The following TBC1D16 variants were observed in gnomAD, a reference collection of about 807,000 sequenced individuals.
TBC1D16 encodes TBC1 domain family member 16.
In TBC1D16, 58 loss-of-function variants were observed where a neutral mutation model predicts 74.7. That is an observed-to-expected ratio of 0.78 (90% confidence interval 0.63 to 0.97). TBC1D16 has a LOEUF of 0.97. Ranked by LOEUF, TBC1D16 falls within the 50% of genes least tolerant of loss-of-function variation. The pLI, the probability that TBC1D16 is intolerant of heterozygous loss-of-function variation, is 0.00. For synonymous variants in TBC1D16, 493 were observed against 474.7 expected (o/e 1.04, Z -0.50); for missense variants, 1,014 against 1,079.5 (o/e 0.94, Z 0.85).
intron 10 of TBC1D16, chr17:79,943,895 T>A: frequency 7.1e-7 from 1 of 1,408,346 alleles, no homozygotes; most frequent in Non-Finnish European, 9.2e-7. Context: ...TTTTTTTAAT[T>A]CGGGAGTGGT....
rs2036985229 is a variant in TBC1D16, at chr17:80,035,792, C to CA, written c.-63+2dup. ...GCGGCCCCGTCCGGGCCCCGATACC[C>CA]ACCCGGGTCCCGCTGCGGGGGCCGG... On this transcript the variant is annotated splice_region_variant and intron_variant, in intron 1 of 11. Coordinates refer to ENST00000310924, the MANE Select transcript of TBC1D16 (RefSeq NM_019020.4). This position sits in a 1 kb window ranked among gnomAD's most constrained non-coding sequence, Gnocchi z 5.3. The CA allele has an allele frequency of 6.8e-6, 1 of 146,836 alleles. No individual in the cohort carries two copies. The highest frequency in any genetic ancestry group is 6.8e-5 in the Admixed American group (1 of 14,804). 9.1% of individuals were successfully genotyped at this position (146,836 alleles called of 1,614,324 possible). A position where few individuals can be genotyped will look rare whatever the true frequency, so the allele number is the denominator to read the frequency against.
At chr17:79,991,154 A>G (rs995231982) in intron 3 of TBC1D16, among the ~76,000 whole-genome samples, 7 of 152,240 alleles carry the variant, frequency 4.6e-5, no homozygotes, top group African/African-American at 1.2e-4. Context: ...TTCACAAAGT[A>G]AATTCCAGAC....
rs747871611 is a variant in TBC1D16, at chr17:80,008,842, T to G, written c.779+1318A>C. Reference sequence around the variant, plus strand: ...AGGGATAAAATCAGGGAAGAACCCGTCCCACAGTCACCCCTGCTGAGGCCA... The same window carrying G: ...AGGGATAAAATCAGGGAAGAACCCGGCCCACAGTCACCCCTGCTGAGGCCA... On this transcript the variant is annotated intron_variant, in intron 3 of 11. Transcript: ENST00000310924. The surrounding 1 kb of genome is among the most constrained non-coding windows in gnomAD (Gnocchi z 4.5). Among the ~76,000 whole-genome samples the G allele has an allele frequency of 6.6e-6, 1 of 152,140 alleles. No homozygotes were observed. Among genetic ancestry groups the G allele is most frequent in the Non-Finnish European group, 1.5e-5 (1 of 68,008 alleles).
rs1387128878 is a variant in TBC1D16, at chr17:79,986,874, G to A, written c.779+23286C>T. 2.0e-5 allele frequency among the ~76,000 whole-genome samples: 3 copies of A among 152,206 alleles called. No homozygotes were observed. The highest frequency in any genetic ancestry group is 6.5e-5 in the Admixed American group (1 of 15,288). ...GGGCCGGTGGGAGGGCGTGATGCAT[G>A]GGAGGAGCTGGACTGCGGTCAGCCG... On this transcript the variant is annotated intron_variant, in intron 3 of 11. Coordinates refer to ENST00000310924, the MANE Select transcript of TBC1D16 (RefSeq NM_019020.4). This position sits in a 1 kb window ranked among gnomAD's most constrained non-coding sequence, Gnocchi z 6.0.
At chr17:80,003,992 T>C (rs1340168640) in intron 3 of TBC1D16, among the ~76,000 whole-genome samples, 2 of 152,212 alleles carry the variant, frequency 1.3e-5, no homozygotes, top group African/African-American at 4.8e-5. Context: ...GAGGCTGCAG[T>C]GAGCTGTGAT....
chr17:79,958,989 G>A (rs2033474269), intron 3 of TBC1D16, among the ~76,000 whole-genome samples: 1 of 152,180 alleles, frequency 6.6e-6, no homozygotes, highest in South Asian at 2.1e-4. Context: ...CTGTTCATCT[G>A]AAAAACCTCA....
In TBC1D16 at chr17:79,999,533, C is replaced by CTTTT. The variant is rs71163906; in HGVS notation, c.779+10623_779+10626dup. Among the ~76,000 whole-genome samples the CTTTT allele has an allele frequency of 5.9e-4, 45 of 76,464 alleles. 3 individuals carry two copies. Among genetic ancestry groups the CTTTT allele is most frequent in the African/African-American group, 7.9e-4 (15 of 18,882 alleles). 50.2% of individuals were successfully genotyped at this position (76,464 alleles called of 152,430 possible). On this transcript the variant is annotated intron_variant, in intron 3 of 11. Transcript: ENST00000310924. The stretch of plus-strand genomic sequence containing the variant: ...TCCCTTCTGCCTTTCCCCCAAATTT[C>CTTTT]TTTTTTTTTTTTTTTTTTTTTTTTT...
In TBC1D16 at chr17:79,987,767, A is replaced by C. The variant is rs775823633; in HGVS notation, c.779+22393T>G. ...AAAAGGGAATTAAGTCAGTACTGGG[A>C]GATTTGGGTTCCACAGAGTTTAGGG... On this transcript the variant is annotated intron_variant, in intron 3 of 11. Transcript: ENST00000310924. This position sits in a 1 kb window ranked among gnomAD's most constrained non-coding sequence, Gnocchi z 5.2. Among the ~76,000 whole-genome samples, 50 of 151,056 alleles carry C rather than the reference A, an allele frequency of 3.3e-4. No individual in the cohort carries two copies. Among genetic ancestry groups the C allele is most frequent in the Non-Finnish European group, 6.2e-4 (42 of 67,832 alleles).
chr17:80,002,364 G>A (rs1484639730), intron 3 of TBC1D16, among the ~76,000 whole-genome samples: 21 of 152,242 alleles, frequency 1.4e-4, no homozygotes, highest in Admixed American at 1.4e-3. Flanking sequence ...AAGGCAGAAA[G>A]CACTTAGATG....
intron 1 of TBC1D16, among the ~76,000 whole-genome samples, chr17:80,016,477 C>T (rs574663040): frequency 3.9e-4 from 59 of 152,234 alleles, no homozygotes; most frequent in Non-Finnish European, 6.3e-4. Flanking sequence ...GGAGGGTCTC[C>T]GGGTATATGA....
In TBC1D16 at chr17:80,008,001, A is replaced by G. The variant is rs1054914716; in HGVS notation, c.779+2159T>C. On this transcript the variant is annotated intron_variant, in intron 3 of 11. Transcript: ENST00000310924. The surrounding 1 kb of genome is among the most constrained non-coding windows in gnomAD (Gnocchi z 4.5). ...GTCCGCTGCCCACTGATGCCAATACATCCCCACCCTCAGTTGTGATAAAAA... is the reference window on the plus strand; with the variant it reads ...GTCCGCTGCCCACTGATGCCAATACGTCCCCACCCTCAGTTGTGATAAAAA... Among the ~76,000 whole-genome samples the G allele has an allele frequency of 1.3e-5, 2 of 150,686 alleles. No individual in the cohort carries two copies. The highest frequency in any genetic ancestry group is 3.0e-5 in the Non-Finnish European group (2 of 67,756).
intron 3 of TBC1D16, chr17:79,992,187 G>A (rs2035091322): frequency 6.6e-6 from 1 of 152,566 alleles, no homozygotes; most frequent in South Asian, 2.1e-4. Context: ...GTCTGGCGGA[G>A]GCGGCCCCTC....
chr17:79,953,315 T>C (rs1331759870), intron 3 of TBC1D16, among the ~76,000 whole-genome samples: 3 of 152,240 alleles, frequency 2.0e-5, no homozygotes, highest in African/African-American at 7.2e-5. Context: ...TGAAAAGTAC[T>C]GGTTCAGTTT....
intron 3 of TBC1D16, among the ~76,000 whole-genome samples, chr17:79,974,794 C>G (rs1426894453): frequency 1.3e-5 from 2 of 152,214 alleles, no homozygotes; most frequent in African/African-American, 2.4e-5. Flanking sequence ...CACCAACTCA[C>G]AGGTGGGGCT....
rs1298768505 is a variant in TBC1D16, at chr17:79,980,379, CT to C, written c.780-27562del. ...GCAAATTCCGCCTAACAAGCCGGAG[CT>C]TTCCTTCCTTCCCGGAGGAACAAGA... On this transcript the variant is annotated intron_variant, in intron 3 of 11. Coordinates refer to ENST00000310924, the MANE Select transcript of TBC1D16 (RefSeq NM_019020.4). The surrounding 1 kb of genome is among the most constrained non-coding windows in gnomAD (Gnocchi z 7.0). 6.6e-6 allele frequency among the ~76,000 whole-genome samples: 1 copy of C among 152,218 alleles called. No individual in the cohort carries two copies. The highest frequency in any genetic ancestry group is 2.4e-5 in the African/African-American group (1 of 41,440).
intron 3 of TBC1D16, among the ~76,000 whole-genome samples, chr17:79,977,082 A>G (rs1342189484): frequency 6.6e-6 from 1 of 152,204 alleles, no homozygotes; most frequent in Non-Finnish European, 1.5e-5. Flanking sequence ...TCTGTTGCCC[A>G]TGAATTCATC....
At chr17:80,019,110 G>A (rs757978766) in intron 1 of TBC1D16, among the ~76,000 whole-genome samples, 1 of 150,196 alleles carries the variant, frequency 6.7e-6, no homozygotes, top group Non-Finnish European at 1.5e-5. Context: ...GCTGCACACA[G>A]CTCTCAGCTG....
chr17:79,951,349 G>A (rs1300370282), intron 5 of TBC1D16, 101 bp downstream of exon 5: 1 of 1,440,270 alleles, frequency 6.9e-7, no homozygotes, highest in Admixed American at 2.1e-5. Context: ...TAAGCCCCCG[G>A]GGCCCGGGGA....
At chr17:79,996,041 T>C (rs938431138) in intron 3 of TBC1D16, among the ~76,000 whole-genome samples, 11 of 152,176 alleles carry the variant, frequency 7.2e-5, no homozygotes, top group African/African-American at 2.7e-4. Context: ...AACTCAGTAG[T>C]CAACAAACAA....
Sources: gnomAD v4.1 joint callset for allele counts (sites outside exome capture counted in the v4.1 genomes callset) on GRCh38, gnomAD v4.1.1 for gene constraint, Gnocchi (gnomAD v3.1) non-coding constraint, MANE v1.5 for transcripts, NCBI Gene and HGNC (gene_info 2026-07-23, HGNC 2026-07-21) for gene names.